SPATA24: variants seen among roughly 807,000 people sequenced by gnomAD.
The protein encoded by SPATA24 is spermatogenesis associated 24, also known as spermatogenesis-associated protein 24.
SPATA24 carries 21 observed loss-of-function variants against 28.9 expected under a neutral mutation model. The ratio of observed to expected loss-of-function variants is 0.73; its 90% CI spans 0.52 to 1.05. SPATA24 has a LOEUF of 1.05. Ranked by LOEUF, SPATA24 falls within the 50% of genes least tolerant of loss-of-function variation. SPATA24 has a pLI of 0.00. For synonymous variants in SPATA24, 76 were observed against 89.9 expected, an observed-to-expected ratio of 0.85 and a Z score of 0.88; for missense variants, 215 against 242.9, an observed-to-expected ratio of 0.88 and a Z score of 0.76.
downstream of SPATA24, chr5:139,393,206 C>T: frequency 6.5e-7 from 1 of 1,549,540 alleles, no homozygotes; most frequent in Non-Finnish European, 8.7e-7. Flanking sequence ...TTGCGCACGT[C>T]TCGAGGCCGC....
chr5:139,399,560 G>T (rs565751793), intron 4 of SPATA24, among the ~76,000 whole-genome samples: 12 of 152,136 alleles, frequency 7.9e-5, no homozygotes, highest in Non-Finnish European at 1.8e-4. Context: ...TGTGAAGTTC[G>T]TTTGGGAAAA....
rs1758828483 is a variant in SPATA24, at chr5:139,401,815, C to CA, written c.324dup (p.Val109CysfsTer21). 1.3e-6 allele frequency: 2 copies of CA among 1,550,798 alleles called. No individual in the cohort carries two copies. The highest frequency in any genetic ancestry group is 1.4e-5 in the African/African-American group (1 of 73,118). On this transcript the variant is annotated frameshift_variant, in exon 4 of 6. Transcript: ENST00000450845. LOFTEE classifies it high-confidence loss of function. ...GACTCCTGAAGGACTTTGCTCTTGACACTGGAGAGCCTGGGTGGGGAAGAT... is the reference window on the plus strand; with the variant it reads ...GACTCCTGAAGGACTTTGCTCTTGACAACTGGAGAGCCTGGGTGGGGAAGAT...
At chr5:139,393,566 C>A (rs1358500368), downstream of SPATA24, 6 of 1,551,154 alleles carry the variant, frequency 3.9e-6, no homozygotes, top group Non-Finnish European at 5.2e-6. Context: ...CGATCTGGAG[C>A]CTCCCACGGG....
chr5:139,393,133 G>T, downstream of SPATA24: 1 of 1,532,744 alleles, frequency 6.5e-7, no homozygotes. Flanking sequence ...GGCAGGAGGC[G>T]CAGGCAGCCC....
rs569594718 is a variant in SPATA24 at position 139,401,974 on chromosome 5, G to A, written c.255C>T (p.Leu85=). 71 of 1,551,530 alleles carry A rather than the reference G, an allele frequency of 4.6e-5. No homozygotes were observed. The highest frequency in any genetic ancestry group is 1.2e-4 in the South Asian group (10 of 84,048). The change falls in exon 3 of 6, where the codon CTC becomes CTT. Residue 85 remains leucine (L), a synonymous_variant. Coordinates refer to ENST00000450845, the MANE Select transcript of SPATA24 (RefSeq NM_194296.2). ...GCTTGGATAGCACCTCTACCTCTCC[G>A]AGGGCAAACTGTAACTTCTCCTCTT... ...AKEEEKLQFA[L]GEVEVLSKQL...
chr5:139,399,660 G>C (rs754178258), intron 4 of SPATA24, among the ~76,000 whole-genome samples: 20 of 152,224 alleles, frequency 1.3e-4, no homozygotes, highest in Non-Finnish European at 2.8e-4. Flanking sequence ...TGAGAGTAAA[G>C]AACTATGTAA....
At chr5:139,392,560 G>A (rs1158744472), downstream of SPATA24, 1 of 1,350,330 alleles carries the variant, frequency 7.4e-7, no homozygotes, top group South Asian at 1.9e-5. The surrounding 1 kb of genome is among the most constrained non-coding windows in gnomAD (Gnocchi z 5.8). Flanking sequence ...GCCCGCCAAC[G>A]CCAGGGGCTC....
chr5:139,401,625 C>A, intron 4 of SPATA24, 130 bp downstream of exon 4: 1 of 1,050,086 alleles, frequency 9.5e-7, no homozygotes, highest in Non-Finnish European at 1.4e-6. Context: ...GTGTGGCCCA[C>A]CCGGGCCTGC....
chr5:139,396,930 C>A lies in SPATA24; in HGVS notation c.489-1G>T. ...GATCCGGAAGTCAGACATGTGATTC[C>A]TGCAACGGAGCCGGCTGGTGGTGGG... On this transcript the variant is annotated splice_acceptor_variant, in intron 5 of 5. Coordinates refer to ENST00000450845, the MANE Select transcript of SPATA24 (RefSeq NM_194296.2). LOFTEE classifies it high-confidence loss of function. The A allele has an allele frequency of 1.3e-6, 2 of 1,551,658 alleles. No individual in the cohort carries two copies. Among genetic ancestry groups the A allele is most frequent in the Non-Finnish European group, 1.7e-6 (2 of 1,146,966 alleles).
At chr5:139,396,649 C>T (rs981531802), downstream of SPATA24, 9 of 1,503,982 alleles carry the variant, frequency 6.0e-6, no homozygotes, top group African/African-American at 1.1e-4. Context: ...AAAGACCCAG[C>T]TCCTCCCCTA....
chr5:139,396,389 G>C (rs1442320296), downstream of SPATA24: 1 of 985,330 alleles, frequency 1.0e-6, no homozygotes, highest in Non-Finnish European at 1.2e-6. Flanking sequence ...GGAGGTGTCA[G>C]CAGGTGCAAA....
At chr5:139,394,434 G>T (rs2152076994), downstream of SPATA24, 2 of 1,394,978 alleles carry the variant, frequency 1.4e-6, no homozygotes, top group East Asian at 2.9e-5. Context: ...GGGGACTCTG[G>T]GGCCGGGGGC....
At position 139,402,015 on chromosome 5, in the gene SPATA24, C is replaced by A; in HGVS notation, c.214G>T (p.Val72Phe). 1 of 1,551,458 alleles carries A rather than the reference C, an allele frequency of 6.4e-7. No homozygotes were observed. The highest frequency in any genetic ancestry group is 8.7e-7 in the Non-Finnish European group (1 of 1,146,950). The change falls in exon 3 of 6, where the codon GTC becomes TTC. Residue 72 changes from valine to phenylalanine, a missense_variant. Val to Phe is a conservative substitution (Grantham distance 50). Coordinates refer to ENST00000450845, the MANE Select transcript of SPATA24 (RefSeq NM_194296.2). ...TTCTCCTCTTCCTTGGCCAGGAGGA[C>A]CTTGGTTTTGGCATGGGCAGCTTTC... Reference protein sequence around the residue: ...EEKAAHAKTKVLLAKEEEKLQ... With the variant: ...EEKAAHAKTKFLLAKEEEKLQ...
downstream of SPATA24, chr5:139,392,722 TG>T: frequency 1.4e-6 from 2 of 1,407,212 alleles, no homozygotes; most frequent in African/African-American, 1.5e-5. The surrounding 1 kb of genome is among the most constrained non-coding windows in gnomAD (Gnocchi z 5.8). Flanking sequence ...GGGGGAGCGC[TG>T]GGATGAGCTG....
chr5:139,397,100 G>C lies in SPATA24; in HGVS notation c.429C>G (p.Gly143=). ...HIIKQEDILN[G]KENEIKELQQ... Reference sequence around the variant, plus strand: ...GCAACTCTTTAATCTCATTCTCTTTGCCATTAAGTATATCTTCTTGCTTTA... The same window carrying C: ...GCAACTCTTTAATCTCATTCTCTTTCCCATTAAGTATATCTTCTTGCTTTA... Residue 143 remains glycine (G), a synonymous_variant, in exon 5 of 6, where the codon GGC becomes GGG. Coordinates refer to ENST00000450845, the MANE Select transcript of SPATA24 (RefSeq NM_194296.2). The C allele has an allele frequency of 2.6e-6, 4 of 1,551,934 alleles. No individual in the cohort carries two copies. The highest frequency in any genetic ancestry group is 2.0e-5 in the Admixed American group (1 of 50,992).
intron 4 of SPATA24, among the ~76,000 whole-genome samples, chr5:139,398,094 A>G (rs1758749589): frequency 6.6e-6 from 1 of 152,224 alleles, no homozygotes; most frequent in Non-Finnish European, 1.5e-5. Flanking sequence ...TAGTTCAGTC[A>G]TCCCAGTCCA....
chr5:139,394,255 C>T (rs1422905873), downstream of SPATA24: 71 of 1,545,998 alleles, frequency 4.6e-5, no homozygotes, highest in Non-Finnish European at 5.8e-5. Context: ...AGGTTCCGAC[C>T]GCCCCGTGGA....
chr5:139,401,751 C>T lies in SPATA24; in HGVS notation c.385+4G>A. 1.9e-6 allele frequency: 3 copies of T among 1,551,662 alleles called. No homozygotes were observed. The highest frequency in any genetic ancestry group is 2.6e-6 in the Non-Finnish European group (3 of 1,146,984). ...GTGGTGGAGAGCACGGGCCTCCCGC[C>T]TACCATTGCACTTGGTGATGAGCTG... On this transcript the variant is annotated splice_donor_region_variant and intron_variant, in intron 4 of 5. Coordinates refer to ENST00000450845, the MANE Select transcript of SPATA24 (RefSeq NM_194296.2).
At chr5:139,401,416 A>G in intron 4 of SPATA24, 1 of 599,730 alleles carries the variant, frequency 1.7e-6, no homozygotes, top group South Asian at 2.0e-5. Context: ...CCCAAATAGG[A>G]CAGTGCTTGC....
Sources: allele counts gnomAD v4.1 joint callset (sites outside exome capture counted in the v4.1 genomes callset), GRCh38; gene constraint gnomAD v4.1.1; non-coding constraint Gnocchi (gnomAD v3.1); transcripts MANE v1.5; gene names NCBI Gene and HGNC (gene_info 2026-07-23, HGNC 2026-07-21).